Variants in CMSS1 observed in about 807,000 individuals in gnomAD.
The protein encoded by CMSS1 is protein CMSS1.
In CMSS1, 33 loss-of-function variants were observed where a neutral mutation model predicts 43.5. The ratio of observed to expected loss-of-function variants is 0.76; its 90% CI spans 0.57 to 1.01. The LOEUF (loss-of-function observed/expected upper bound fraction) is 1.01, where lower values mean the gene tolerates loss of function less well. Ranked by LOEUF, CMSS1 falls within the 50% of genes least tolerant of loss-of-function variation. CMSS1 has a pLI of 0.00. For synonymous variants in CMSS1, 115 were observed against 117.2 expected, an observed-to-expected ratio of 0.98 and a Z score of 0.12; for missense variants, 313 against 326.4, an observed-to-expected ratio of 0.96 and a Z score of 0.32.
chr3:99,948,693 G>A (rs905334248), intron 1 of CMSS1, among the ~76,000 whole-genome samples: 1 of 146,842 alleles, frequency 6.8e-6, no homozygotes, highest in Non-Finnish European at 1.5e-5. Context: ...AGAGGAGAAA[G>A]GAGAGAGAAA....
chr3:99,889,959 CA>C (rs1706032153), intron 1 of CMSS1, among the ~76,000 whole-genome samples: 1 of 151,774 alleles, frequency 6.6e-6, no homozygotes, highest in Non-Finnish European at 1.5e-5. Context: ...TTAGATATAC[CA>C]ATATATTTAA....
At position 99,929,439 on chromosome 3, in the gene CMSS1, G is replaced by T. The variant is rs530065097; in HGVS notation, c.64+111396G>T. 2.0e-5 allele frequency among the ~76,000 whole-genome samples: 3 copies of T among 152,194 alleles called. No individual in the cohort carries two copies. In the East Asian group the frequency reaches 5.8e-4, roughly 29 times the overall value. On this transcript the variant is annotated intron_variant, in intron 1 of 9. Transcript: ENST00000421999. ...AATTTCTATGACATAATACCTCAGTGTTTTCCAAAAATTAACCTCTATGGT... is the reference window on the plus strand; with the variant it reads ...AATTTCTATGACATAATACCTCAGTTTTTTCCAAAAATTAACCTCTATGGT...
At chr3:100,024,815 G>T (rs1017170651) in intron 1 of CMSS1, among the ~76,000 whole-genome samples, 2 of 152,072 alleles carry the variant, frequency 1.3e-5, no homozygotes, top group Non-Finnish European at 2.9e-5. Context: ...TTTATGGAGG[G>T]GGTCCAGGGT....
chr3:99,981,906 G>A (rs987573955), intron 1 of CMSS1, among the ~76,000 whole-genome samples: 3 of 152,108 alleles, frequency 2.0e-5, no homozygotes, highest in Non-Finnish European at 2.9e-5. Flanking sequence ...CGGGAGGATC[G>A]CTTGAGGCCA....
At chr3:99,985,716 G>A (rs900031693) in intron 1 of CMSS1, among the ~76,000 whole-genome samples, 4 of 152,062 alleles carry the variant, frequency 2.6e-5, no homozygotes, top group Admixed American at 1.3e-4. Context: ...AGCCTCCTGA[G>A]TAAATGGGAT....
In CMSS1 at chr3:100,135,437, C is replaced by CCT. The variant is rs1559767923; in HGVS notation, c.65-11536_65-11535insCT. ...CCTGAGGAGCCTTTGTGTGTGTGTGCATGTGTGTGTGTGTGTGTGTGTGTG... is the reference window on the plus strand; with the variant it reads ...CCTGAGGAGCCTTTGTGTGTGTGTGCCTATGTGTGTGTGTGTGTGTGTGTGTG... On this transcript the variant is annotated intron_variant, in intron 1 of 9. Transcript: ENST00000421999. Among the ~76,000 whole-genome samples, 5 of 60,188 alleles carry CCT rather than the reference C, an allele frequency of 8.3e-5. No homozygotes were observed. The East Asian group carries it at 2.5e-3, about 30-fold the overall frequency. 39.5% of individuals were successfully genotyped at this position (60,188 alleles called of 152,430 possible).
chr3:100,124,711 G>A lies in CMSS1; in HGVS notation c.65-22262G>A, dbSNP rs114103125. Among the ~76,000 whole-genome samples, 910 of 152,304 alleles carry A rather than the reference G, an allele frequency of 6.0e-3. 2 individuals carry two copies. Among genetic ancestry groups the A allele is most frequent in the Non-Finnish European group, 8.6e-3 (586 of 68,026 alleles). ...AAATGGCAAAAGGCCACCTGGGCCC[G>A]TGTGAGAAAGCAGGGGACAGCACTC... On this transcript the variant is annotated intron_variant, in intron 1 of 9. Transcript: ENST00000421999.
intron 1 of CMSS1, among the ~76,000 whole-genome samples, chr3:99,829,379 G>A (rs1942601883): frequency 1.3e-5 from 2 of 152,186 alleles, no homozygotes; most frequent in Non-Finnish European, 2.9e-5. Context: ...AGTTTTCAGT[G>A]TGATGTAAAG....
At chr3:99,894,969 C>T (rs192305662) in intron 1 of CMSS1, among the ~76,000 whole-genome samples, 62 of 152,160 alleles carry the variant, frequency 4.1e-4, no homozygotes, top group Non-Finnish European at 7.9e-4. Flanking sequence ...CAAATGTGTT[C>T]CAGGTTCCCA....
intron 1 of CMSS1, among the ~76,000 whole-genome samples, chr3:99,969,084 G>A (rs1458101755): frequency 5.3e-5 from 8 of 152,116 alleles, no homozygotes; most frequent in Admixed American, 3.3e-4. Context: ...AATGGAGCTC[G>A]GTCCTGGGAG....
intron 1 of CMSS1, among the ~76,000 whole-genome samples, chr3:99,983,145 G>T (rs2107735325): frequency 6.6e-6 from 1 of 151,586 alleles, no homozygotes; most frequent in South Asian, 2.1e-4. Flanking sequence ...CTTGCCTTAA[G>T]TGCCATTTGA....
chr3:99,829,731 G>A (rs900081618), intron 1 of CMSS1, among the ~76,000 whole-genome samples: 1 of 152,252 alleles, frequency 6.6e-6, no homozygotes, highest in Non-Finnish European at 1.5e-5. Context: ...CAAGCACCTG[G>A]AATATTGATT....
In CMSS1 at chr3:99,925,928, T is replaced by C. The variant is rs1707279694; in HGVS notation, c.64+107885T>C. 4.1e-6 allele frequency: 4 copies of C among 977,004 alleles called. No homozygotes were observed. In the Admixed American group the frequency reaches 2.5e-4, roughly 60 times the overall value. 60.5% of individuals were successfully genotyped at this position (977,004 alleles called of 1,614,324 possible). ...GGGGTAAGCTGCCACCAGAAAAACA[T>C]GTTGGCAAGAGCTAACTCGGGATCT... On this transcript the variant is annotated intron_variant, in intron 1 of 9. Coordinates refer to ENST00000421999, the MANE Select transcript of CMSS1 (RefSeq NM_032359.4).
chr3:100,082,151 T>G (rs1470276835), intron 1 of CMSS1, among the ~76,000 whole-genome samples: 1 of 152,150 alleles, frequency 6.6e-6, no homozygotes, highest in Non-Finnish European at 1.5e-5. Flanking sequence ...AAACAACTCT[T>G]TATTTTCCCA....
chr3:100,093,219 G>A (rs78825283), intron 1 of CMSS1, among the ~76,000 whole-genome samples: 3,288 of 152,154 alleles, frequency 0.022, 58 homozygotes, highest in Non-Finnish European at 0.033. Context: ...ATACTGAGTT[G>A]AGCAGCTTAT....
chr3:100,071,028 A>G (rs190103384), intron 1 of CMSS1, among the ~76,000 whole-genome samples: 1 of 151,258 alleles, frequency 6.6e-6, no homozygotes, highest in Non-Finnish European at 1.5e-5. Context: ...ACAGAAAAAA[A>G]TAAGCCAAGT....
At chr3:100,148,703 G>A (rs1466771735) in intron 2 of CMSS1, among the ~76,000 whole-genome samples, 2 of 151,960 alleles carry the variant, frequency 1.3e-5, no homozygotes, top group East Asian at 3.9e-4. Flanking sequence ...TTCAAACAGT[G>A]GTTATCAGAG....
intron 1 of CMSS1, among the ~76,000 whole-genome samples, chr3:100,054,996 C>A (rs1054009887): frequency 2.6e-5 from 4 of 152,144 alleles, no homozygotes; most frequent in African/African-American, 9.7e-5. Flanking sequence ...TTTGGGCCTT[C>A]TTGCTGATCA....
At chr3:99,953,659 T>C (rs1340244038) in intron 1 of CMSS1, among the ~76,000 whole-genome samples, 1 of 152,230 alleles carries the variant, frequency 6.6e-6, no homozygotes, top group African/African-American at 2.4e-5. Context: ...AGGAAGATGC[T>C]ATAAATATAT....
Sources: gnomAD v4.1 joint callset for allele counts (sites outside exome capture counted in the v4.1 genomes callset) on GRCh38, gnomAD v4.1.1 for gene constraint, MANE v1.5 for transcripts, NCBI Gene and HGNC (gene_info 2026-07-23, HGNC 2026-07-21) for gene names.